ZZEF1: variants seen among roughly 807,000 people sequenced by gnomAD.
ZZEF1 encodes the protein zinc finger ZZ-type and EF-hand domain-containing protein 1.
ZZEF1 carries 157 observed loss-of-function variants against 342.8 expected under a neutral mutation model. That is an observed-to-expected ratio of 0.46 (90% CI 0.40 to 0.52). ZZEF1 has a LOEUF of 0.52. ZZEF1 is among the 20% of genes least tolerant of loss of function. ZZEF1 has a pLI of 0.00. For synonymous variants in ZZEF1, 1,505 were observed against 1,429.1 expected (o/e 1.05, Z -1.20); for missense variants, 3,480 against 3,725.6 (o/e 0.93, Z 1.72).
At chr17:4,009,794 G>C (rs372228316) in intron 52 of ZZEF1, 37 bp from the exon 53 acceptor site, 37 of 1,604,202 alleles carry the variant, frequency 2.3e-5, no homozygotes, top group Non-Finnish European at 3.1e-5. Context: ...AGTTTACTGA[G>C]AGCCATGCCA....
At chr17:4,100,850 T>A (rs1202285708) in intron 9 of ZZEF1, among the ~76,000 whole-genome samples, 2 of 151,822 alleles carry the variant, frequency 1.3e-5, no homozygotes, top group African/African-American at 4.8e-5. Flanking sequence ...AATATAAAAA[T>A]AAAGAAATAA....
chr17:4,062,943 C>T (rs1366171909), intron 29 of ZZEF1, 26 bp from the exon 30 acceptor site: 6 of 1,588,656 alleles, frequency 3.8e-6, no homozygotes, highest in Non-Finnish European at 5.1e-6. Flanking sequence ...AAGTCAGGAA[C>T]ACCCAGAAAA....
chr17:4,088,241 G>C (rs1293034949), intron 13 of ZZEF1, among the ~76,000 whole-genome samples: 1 of 152,098 alleles, frequency 6.6e-6, no homozygotes, highest in Non-Finnish European at 1.5e-5. Flanking sequence ...TATCAAAAAA[G>C]TTAGAAATCA....
chr17:4,136,173 G>A (rs1347842473), intron 1 of ZZEF1, among the ~76,000 whole-genome samples: 1 of 148,736 alleles, frequency 6.7e-6, no homozygotes, highest in African/African-American at 2.5e-5. Flanking sequence ...TGAAACCCCC[G>A]TCTCTACTAA....
At chr17:4,013,726 T>A in intron 51 of ZZEF1, 112 bp from the exon 52 acceptor site, 1 of 1,206,486 alleles carries the variant, frequency 8.3e-7, no homozygotes, top group Non-Finnish European at 1.1e-6. Context: ...TTTTATAAAC[T>A]GCTCAAATTT....
Position 4,117,078 on chromosome 17 carries a change from G to A in ZZEF1, c.588C>T (p.Ser196=), listed in dbSNP as rs757789993. Reference sequence around the variant, plus strand: ...GCATCGGGTAGGGCATCACCGCGCTGGAGAGCCGATTGCGGTGCAGGAAGC... The same window carrying A: ...GCATCGGGTAGGGCATCACCGCGCTAGAGAGCCGATTGCGGTGCAGGAAGC... ...ILRFLHRNRL[S]SAVMPYPMLE... is the part of the protein sequence containing the mutation. The change falls in exon 3 of 55, where the codon TCC becomes TCT. Residue 196 remains serine (S), a synonymous_variant. Transcript: ENST00000381638. 3.7e-6 allele frequency: 6 copies of A among 1,614,044 alleles called. No individual in the cohort carries two copies. The highest frequency in any genetic ancestry group is 5.1e-6 in the Non-Finnish European group (6 of 1,180,034).
intron 1 of ZZEF1, among the ~76,000 whole-genome samples, chr17:4,137,433 A>AC (rs1360655634): frequency 1.3e-5 from 2 of 152,078 alleles, no homozygotes; most frequent in African/African-American, 4.8e-5. Flanking sequence ...ACACGGTGAA[A>AC]CCCCGTCTCT....
intron 11 of ZZEF1, among the ~76,000 whole-genome samples, chr17:4,094,315 T>A (rs996205335): frequency 4.3e-4 from 66 of 151,984 alleles, no homozygotes; most frequent in African/African-American, 1.5e-3. Context: ...CTAATTTTTA[T>A]GTTTTTCTTT....
chr17:4,041,161 G>C (rs534463134), intron 39 of ZZEF1, among the ~76,000 whole-genome samples: 1 of 152,120 alleles, frequency 6.6e-6, no homozygotes, highest in Admixed American at 6.5e-5. Flanking sequence ...AGACAGGTCC[G>C]GCCAATTCAT....
chr17:4,086,418 C>T (rs1042823050), intron 15 of ZZEF1, 68 bp downstream of exon 15: 8 of 1,531,812 alleles, frequency 5.2e-6, no homozygotes, highest in African/African-American at 1.4e-5. Context: ...CAGCCCTCTT[C>T]TCTATAGCAA....
intron 16 of ZZEF1, among the ~76,000 whole-genome samples, chr17:4,082,871 G>A (rs565160428): frequency 3.3e-5 from 5 of 152,212 alleles, no homozygotes; most frequent in African/African-American, 9.6e-5. Flanking sequence ...TGCCTTCCGC[G>A]TTCAAGCAAT....
chr17:4,096,610 A>T lies in ZZEF1; in HGVS notation c.1763T>A (p.Met588Lys). 1 of 1,613,582 alleles carries T rather than the reference A, an allele frequency of 6.2e-7. No individual in the cohort carries two copies. The highest frequency in any genetic ancestry group is 1.1e-5 in the South Asian group (1 of 90,942). ...TAAAGAAGGTAGCACGAAAATTACCATAATTCTTATCTGTGTAACTTGGAA... is the reference window on the plus strand; with the variant it reads ...TAAAGAAGGTAGCACGAAAATTACCTTAATTCTTATCTGTGTAACTTGGAA... ...SAFQVTQIRI[M>K]VRRGGIGAQC... Residue 588 changes from methionine to lysine, a missense_variant and splice_region_variant, in exon 10 of 55, where the codon ATG becomes AAG. Met to Lys is a moderately conservative substitution (Grantham distance 95). Transcript: ENST00000381638.
rs369927273 is a variant in ZZEF1 at position 4,017,685 on chromosome 17, C to T, written c.7687G>A (p.Val2563Met). 8.1e-6 allele frequency: 13 copies of T among 1,613,754 alleles called. No individual in the cohort carries two copies. Among genetic ancestry groups the T allele is most frequent in the Non-Finnish European group, 1.1e-5 (13 of 1,180,012 alleles). Residue 2563 changes from valine (V) to methionine (M), a missense_variant, in exon 48 of 55, where the codon GTG becomes ATG. Coordinates refer to ENST00000381638, the MANE Select transcript of ZZEF1 (RefSeq NM_015113.4). This position sits in a 1 kb window ranked among gnomAD's most constrained non-coding sequence, Gnocchi z 5.1. ...GTGCTGGAGATCAGCTTCTGGGTCACAGGGTTCGATTCAGCAGTGGCTTGG... is the reference window on the plus strand; with the variant it reads ...GTGCTGGAGATCAGCTTCTGGGTCATAGGGTTCGATTCAGCAGTGGCTTGG... ...CDQATAESNP[V>M]TQKLISSTES... is the part of the protein sequence containing the mutation.
rs538523051 is a variant in ZZEF1, at chr17:4,130,925, C to T, written c.355-6874G>A. 3.9e-5 allele frequency among the ~76,000 whole-genome samples: 6 copies of T among 152,218 alleles called. 1 individual carries two copies. In the South Asian group the frequency reaches 1.0e-3, roughly 26 times the overall value. On this transcript the variant is annotated intron_variant, in intron 1 of 54. Coordinates refer to ENST00000381638, the MANE Select transcript of ZZEF1 (RefSeq NM_015113.4). ...AGTTTCTATGTCAAAGGTCAAGAATCCGAATGGGACTCGATCAGCAGTCAC... is the reference window on the plus strand; with the variant it reads ...AGTTTCTATGTCAAAGGTCAAGAATTCGAATGGGACTCGATCAGCAGTCAC...
At chr17:4,139,882 G>C (rs927412773) in intron 1 of ZZEF1, among the ~76,000 whole-genome samples, 33 of 152,218 alleles carry the variant, frequency 2.2e-4, no homozygotes, top group African/African-American at 7.0e-4. Flanking sequence ...CACGGAAAAA[G>C]AATCTTTCCC....
chr17:4,051,259 C>T (rs1567795445), intron 35 of ZZEF1, among the ~76,000 whole-genome samples: 2 of 152,076 alleles, frequency 1.3e-5, no homozygotes, highest in African/African-American at 2.4e-5. Context: ...TTCACAATCC[C>T]CAGAGGTTGT....
chr17:4,110,512 C>A (rs1016191451), intron 5 of ZZEF1, among the ~76,000 whole-genome samples: 19 of 152,154 alleles, frequency 1.2e-4, no homozygotes, highest in Non-Finnish European at 2.6e-4. Flanking sequence ...GCAAAGAACA[C>A]TTCTTTTGGC....
At chr17:4,054,916 G>A (rs1174666915) in intron 33 of ZZEF1, among the ~76,000 whole-genome samples, 2 of 152,168 alleles carry the variant, frequency 1.3e-5, no homozygotes, top group African/African-American at 2.4e-5. Flanking sequence ...TTGAGGTGTT[G>A]AGGCAGAAGT....
chr17:4,048,433 C>T (rs2056972463), intron 37 of ZZEF1, among the ~76,000 whole-genome samples: 1 of 152,170 alleles, frequency 6.6e-6, no homozygotes, highest in Non-Finnish European at 1.5e-5. Flanking sequence ...AGACAGAGGA[C>T]AGCAACATCA....
Sources: gnomAD v4.1 joint callset for allele counts (sites outside exome capture counted in the v4.1 genomes callset) on GRCh38, gnomAD v4.1.1 for gene constraint, Gnocchi (gnomAD v3.1) non-coding constraint, MANE v1.5 for transcripts, NCBI Gene and HGNC (gene_info 2026-07-23, HGNC 2026-07-21) for gene names.